TBC1D19: variants seen among roughly 807,000 people sequenced by gnomAD.
TBC1D19 encodes the protein TBC1 domain family, member 19.
TBC1D19 carries 60 observed loss-of-function variants against 89.0 expected under a neutral mutation model. The ratio of observed to expected loss-of-function variants is 0.67; its 90% CI spans 0.55 to 0.84. The LOEUF (loss-of-function observed/expected upper bound fraction) is 0.84, where lower values mean the gene tolerates loss of function less well. Ranked by LOEUF, TBC1D19 falls within the 40% of genes least tolerant of loss-of-function variation. The pLI is 0.00. For synonymous variants in TBC1D19, 189 were observed against 199.7 expected (o/e 0.95, Z 0.45); for missense variants, 500 against 610.8 (o/e 0.82, Z 1.91).
chr4:26,652,845 G>T (rs562964934), intron 7 of TBC1D19, among the ~76,000 whole-genome samples: 1 of 152,130 alleles, frequency 6.6e-6, no homozygotes, highest in South Asian at 2.1e-4. Context: ...TTTTTTGAAG[G>T]GTTTTTTGTG....
chr4:26,809,285 G>C, the TBC1D19 span, among the ~76,000 whole-genome samples: 5 of 152,166 alleles, frequency 3.3e-5, no homozygotes, highest in African/African-American at 1.2e-4. Context: ...AGACCATGTT[G>C]CTAGGGCTTC....
intron 7 of TBC1D19, among the ~76,000 whole-genome samples, chr4:26,651,569 T>C (rs1744385292): frequency 6.6e-6 from 1 of 152,234 alleles, no homozygotes; most frequent in African/African-American, 2.4e-5. Flanking sequence ...TTTTGTATCC[T>C]GAGCCTTTGC....
chr4:26,753,226 T>C (rs1719072482), intron 19 of TBC1D19, among the ~76,000 whole-genome samples: 3 of 152,230 alleles, frequency 2.0e-5, no homozygotes, highest in Admixed American at 6.5e-5. Context: ...CACCTCCTTG[T>C]TACATATGAA....
At chr4:26,604,183 T>A (rs1196169629) in intron 1 of TBC1D19, among the ~76,000 whole-genome samples, 6 of 144,582 alleles carry the variant, frequency 4.1e-5, no homozygotes, top group African/African-American at 1.6e-4. Flanking sequence ...AGACGGAGTG[T>A]CGCTCTGTTA....
intron 4 of TBC1D19, among the ~76,000 whole-genome samples, chr4:26,632,065 A>G (rs1283742279): frequency 6.6e-6 from 1 of 152,178 alleles, no homozygotes; most frequent in Non-Finnish European, 1.5e-5. Flanking sequence ...GGATAATTTA[A>G]CAAATATTCA....
chr4:26,594,050 T>C (rs1306308555), intron 1 of TBC1D19, among the ~76,000 whole-genome samples: 3 of 152,090 alleles, frequency 2.0e-5, no homozygotes, highest in Non-Finnish European at 4.4e-5. Context: ...CGTATGTTTA[T>C]CGCGGCACTA....
the TBC1D19 span, among the ~76,000 whole-genome samples, chr4:26,795,905 C>G: frequency 1.3e-5 from 2 of 152,128 alleles, no homozygotes; most frequent in Non-Finnish European, 2.9e-5. Flanking sequence ...TCCATCTTAC[C>G]CCCCACCATA....
intron 11 of TBC1D19, among the ~76,000 whole-genome samples, chr4:26,678,010 A>G (rs1411983616): frequency 1.3e-5 from 2 of 152,202 alleles, no homozygotes; most frequent in Non-Finnish European, 2.9e-5. Context: ...TGCTATAGAT[A>G]TCTGAAAATG....
chr4:26,660,458 A>T (rs892925299), intron 8 of TBC1D19, among the ~76,000 whole-genome samples: 1 of 152,162 alleles, frequency 6.6e-6, no homozygotes, highest in African/African-American at 2.4e-5. Context: ...ATTTTTTGCC[A>T]GTCATCAGTT....
chr4:26,800,226 A>G, the TBC1D19 span, among the ~76,000 whole-genome samples: 2 of 152,026 alleles, frequency 1.3e-5, no homozygotes, highest in African/African-American at 4.8e-5. Context: ...TCATTGTTCA[A>G]TTCCCACCTA....
the TBC1D19 span, among the ~76,000 whole-genome samples, chr4:26,853,964 G>T: frequency 6.6e-6 from 1 of 152,174 alleles, no homozygotes; most frequent in South Asian, 2.1e-4. Flanking sequence ...ATATCAGAAG[G>T]CTTGTCCTCA....
At chr4:26,631,599 T>C (rs141889684) in intron 4 of TBC1D19, among the ~76,000 whole-genome samples, 293 of 152,248 alleles carry the variant, frequency 1.9e-3, no homozygotes, top group African/African-American at 6.7e-3. Flanking sequence ...TTAGTCATAG[T>C]ATTTCTCTGT....
chr4:26,656,987 T>TTCTCCTTCTCCTTCTCCTTCTCCTTCTC (rs1744874381), intron 7 of TBC1D19, among the ~76,000 whole-genome samples: 12 of 17,818 alleles, frequency 6.7e-4, no homozygotes, highest in Non-Finnish European at 1.2e-3. Context: ...TTCTTCTTCT[T>TTCTCCTTCTCCTTCTCCTTCTCCTTCTC]CTTCTCCTTC....
At chr4:26,754,004 T>C in intron 20 of TBC1D19, 114 bp downstream of exon 20, 1 of 1,082,900 alleles carries the variant, frequency 9.2e-7, no homozygotes, top group Admixed American at 2.0e-5. Context: ...GTTTTTTAAC[T>C]CGGGTAAAAC....
At chr4:26,834,269 G>A in the TBC1D19 span, among the ~76,000 whole-genome samples, 1 of 152,206 alleles carries the variant, frequency 6.6e-6, no homozygotes, top group Non-Finnish European at 1.5e-5. Flanking sequence ...TTATGGCAAT[G>A]TGAGAATGGA....
At chr4:26,629,763 A>G (rs1742683462) in intron 4 of TBC1D19, among the ~76,000 whole-genome samples, 1 of 152,064 alleles carries the variant, frequency 6.6e-6, no homozygotes, top group South Asian at 2.1e-4. Context: ...AAGAATTATA[A>G]TGAATAGGAA....
chr4:26,632,831 T>C (rs1253001735), intron 4 of TBC1D19, among the ~76,000 whole-genome samples: 1 of 152,148 alleles, frequency 6.6e-6, no homozygotes, highest in African/African-American at 2.4e-5. Flanking sequence ...TTCTGCCAGA[T>C]TGTCTAATGT....
the TBC1D19 span, among the ~76,000 whole-genome samples, chr4:26,817,981 A>ATATATATAT: frequency 1.1e-4 from 14 of 126,044 alleles, no homozygotes; most frequent in African/African-American, 4.4e-4. Flanking sequence ...AAAAAAAAAA[A>ATATATATAT]ATATATATAT....
At chr4:26,850,274 C>T in the TBC1D19 span, among the ~76,000 whole-genome samples, 2 of 151,864 alleles carry the variant, frequency 1.3e-5, no homozygotes, top group African/African-American at 4.8e-5. Flanking sequence ...TTGGGCCCGG[C>T]GCGGTGACTC....
Sources: allele counts gnomAD v4.1 joint callset (sites outside exome capture counted in the v4.1 genomes callset), GRCh38; gene constraint gnomAD v4.1.1; transcripts MANE v1.5; gene names NCBI Gene and HGNC (gene_info 2026-07-23, HGNC 2026-07-21).